CFAP54: variants seen among roughly 807,000 people sequenced by gnomAD.
CFAP54 encodes cilia- and flagella-associated protein 54.
In CFAP54, 290 loss-of-function variants were observed where a neutral mutation model predicts 370.4. The observed-to-expected ratio is 0.78, with a 90% CI of 0.71 to 0.86. The LOEUF is 0.86. CFAP54 is among the 40% of genes least tolerant of loss of function. The pLI is 0.00. For synonymous variants in CFAP54, 1,206 were observed against 1,236.5 expected (o/e 0.98, Z 0.52); for missense variants, 3,399 against 3,528.7 (o/e 0.96, Z 0.93).
intron 24 of CFAP54, 69 bp from the exon 25 acceptor site, chr12:96,594,222 A>C: frequency 9.0e-7 from 1 of 1,106,822 alleles, no homozygotes; most frequent in Non-Finnish European, 1.2e-6. Context: ...TTTTCTACCC[A>C]TTCTCCGTAG....
At chr12:96,850,409 C>A (rs556212860) in intron 66 of CFAP54, among the ~76,000 whole-genome samples, 11 of 151,574 alleles carry the variant, frequency 7.3e-5, no homozygotes, top group Non-Finnish European at 1.2e-4. Context: ...AGAGGCTGCA[C>A]GAAGCAGGAG....
intron 36 of CFAP54, among the ~76,000 whole-genome samples, chr12:96,652,906 G>A (rs1008136844): frequency 5.3e-5 from 8 of 152,302 alleles, no homozygotes; most frequent in South Asian, 2.1e-4. Flanking sequence ...GGGACATTTC[G>A]TGTTAAGAAG....
chr12:96,594,929 A>G (rs971260291), intron 25 of CFAP54, among the ~76,000 whole-genome samples: 1 of 152,148 alleles, frequency 6.6e-6, no homozygotes, highest in Non-Finnish European at 1.5e-5. Flanking sequence ...ACATATCACC[A>G]TGGATTTAGT....
chr12:96,552,018 G>A (rs914431379), intron 15 of CFAP54, among the ~76,000 whole-genome samples: 2 of 152,072 alleles, frequency 1.3e-5, no homozygotes, highest in African/African-American at 2.4e-5. Flanking sequence ...AGGCCAAGGC[G>A]GGTGGATCAC....
At chr12:96,691,653 A>T (rs1370302502) in intron 44 of CFAP54, among the ~76,000 whole-genome samples, 1 of 152,294 alleles carries the variant, frequency 6.6e-6, no homozygotes, top group Admixed American at 6.5e-5. Context: ...TGTTCAGGTT[A>T]TATCAATCCC....
chr12:96,828,044 T>TATATA (rs1959145406), intron 65 of CFAP54, among the ~76,000 whole-genome samples: 1 of 127,498 alleles, frequency 7.8e-6, no homozygotes, highest in Non-Finnish European at 1.6e-5. Context: ...AATATATAAT[T>TATATA]ATATATTAAT....
intron 14 of CFAP54, among the ~76,000 whole-genome samples, chr12:96,544,051 G>A (rs549496448): frequency 1.5e-3 from 224 of 152,104 alleles, no homozygotes; most frequent in African/African-American, 5.0e-3. Flanking sequence ...ACAATATGAG[G>A]GTTAGGGGCA....
chr12:96,817,863 A>G lies in CFAP54; in HGVS notation c.9046A>G (p.Asn3016Asp), dbSNP rs1247931721. ...PAAPEITSNE[N>D]IYEVEVEEES... ...AGCTCCTGAAATTACCTCAAATGAAAACATATATGAAGTAGAAGTGGAAGA... is the reference window on the plus strand; with the variant it reads ...AGCTCCTGAAATTACCTCAAATGAAGACATATATGAAGTAGAAGTGGAAGA... Residue 3016 changes from asparagine (N) to aspartate (D), a missense_variant, in exon 65 of 68, where the codon AAC becomes GAC. Transcript: ENST00000524981. The G allele has an allele frequency of 6.6e-7, 1 of 1,513,832 alleles. No homozygotes were observed. Among genetic ancestry groups the G allele is most frequent in the South Asian group, 1.2e-5 (1 of 80,864 alleles). 93.8% of individuals were successfully genotyped at this position (1,513,832 alleles called of 1,614,324 possible).
At chr12:96,742,394 G>A in intron 51 of CFAP54, 45 bp from the exon 52 acceptor site, 1 of 1,427,048 alleles carries the variant, frequency 7.0e-7, no homozygotes, top group Non-Finnish European at 9.8e-7. Context: ...CTAGAACCTT[G>A]ACATTATTAA....
chr12:96,637,662 A>G (rs1956675904), intron 32 of CFAP54, among the ~76,000 whole-genome samples: 1 of 152,250 alleles, frequency 6.6e-6, no homozygotes, highest in African/African-American at 2.4e-5. Context: ...ATATTTTATT[A>G]CAATGCAATT....
chr12:96,740,105 A>T, intron 51 of CFAP54, 44 bp downstream of exon 51: 1 of 1,068,906 alleles, frequency 9.4e-7, no homozygotes, highest in South Asian at 1.4e-5. Context: ...TTATCATATA[A>T]GAACTATTGG....
chr12:96,588,144 T>G (rs1398796481), intron 22 of CFAP54, among the ~76,000 whole-genome samples: 1 of 152,214 alleles, frequency 6.6e-6, no homozygotes, highest in Non-Finnish European at 1.5e-5. Flanking sequence ...CACTTGTTTC[T>G]TTTCATTTTT....
At position 96,524,162 on chromosome 12, in the gene CFAP54, A is replaced by G. The variant is rs185480105; in HGVS notation, c.1158+1973A>G. Among the ~76,000 whole-genome samples, 242 of 152,182 alleles carry G rather than the reference A, an allele frequency of 1.6e-3. 1 individual carries two copies. The highest frequency in any genetic ancestry group is 5.3e-3 in the African/African-American group (220 of 41,534). On this transcript the variant is annotated intron_variant, in intron 8 of 67. Transcript: ENST00000524981. ...TGTTAACTTATAGTAAATCATTTTG[A>G]CTCTCAAAAGATTCTTTTAAAGGAC...
intron 17 of CFAP54, among the ~76,000 whole-genome samples, chr12:96,555,946 G>T (rs1955746752): frequency 1.3e-5 from 2 of 151,336 alleles, no homozygotes; most frequent in South Asian, 4.1e-4. Context: ...AGACATTCCT[G>T]AAGGAAAAAA....
chr12:96,554,412 C>A, intron 16 of CFAP54, 102 bp downstream of exon 16: 1 of 1,322,132 alleles, frequency 7.6e-7, no homozygotes, highest in Non-Finnish European at 9.9e-7. Flanking sequence ...GTTGGCTTAC[C>A]TCTCATAGGC....
At chr12:96,667,349 C>G (rs1346012309) in intron 39 of CFAP54, among the ~76,000 whole-genome samples, 2 of 152,216 alleles carry the variant, frequency 1.3e-5, no homozygotes, top group African/African-American at 4.8e-5. Context: ...ACTACCCTGA[C>G]AGAGGTTCTC....
In CFAP54 at chr12:96,489,683, C is replaced by T. The variant is rs1482576641; in HGVS notation, c.74C>T (p.Pro25Leu). The T allele has an allele frequency of 1.0e-5, 16 of 1,535,770 alleles. No individual in the cohort carries two copies. The East Asian group carries it at 1.5e-4, about 14-fold the overall frequency. The stretch of plus-strand genomic sequence containing the variant: ...ACCTCGGGGTCTCTGCCAGAACTGC[C>T]GCCGACCTCCACCGCGACTTCGAGG... ...STTSGSLPELPPTSTATSRSP... is the reference protein window; with the variant it reads ...STTSGSLPELLPTSTATSRSP... The change falls in exon 1 of 68, where the codon CCG becomes CTG. Residue 25 changes from proline to leucine, a missense_variant. Coordinates refer to ENST00000524981, the MANE Select transcript of CFAP54 (RefSeq NM_001306084.2).
In CFAP54 at chr12:96,658,271, G is replaced by A. The variant is rs1471098904; in HGVS notation, c.5385G>A (p.Leu1795=). 1 of 1,614,022 alleles carries A rather than the reference G, an allele frequency of 6.2e-7. No homozygotes were observed. Among genetic ancestry groups the A allele is most frequent in the Admixed American group, 1.7e-5 (1 of 60,010 alleles). ...LLVYAQRQLL[L]RIQKFKGPDI... is the part of the protein sequence containing the mutation. The stretch of plus-strand genomic sequence containing the variant: ...TGTATGCACAGCGCCAGCTTCTGCT[G>A]AGAATACAGAAGTTCAAGGGCCCAG... The change falls in exon 38 of 68, where the codon CTG becomes CTA. Residue 1795 remains leucine, a synonymous_variant. Transcript: ENST00000524981.
intron 64 of CFAP54, among the ~76,000 whole-genome samples, chr12:96,816,784 G>C (rs1592781483): frequency 6.6e-6 from 1 of 152,168 alleles, no homozygotes; most frequent in African/African-American, 2.4e-5. Flanking sequence ...CCATGCAGGT[G>C]GCTGTTTGCC....
Sources: allele counts gnomAD v4.1 joint callset (sites outside exome capture counted in the v4.1 genomes callset), GRCh38; gene constraint gnomAD v4.1.1; transcripts MANE v1.5; gene names NCBI Gene and HGNC (gene_info 2026-07-23, HGNC 2026-07-21).